Variants in CAMKK2 observed in about 807,000 individuals in gnomAD.
CAMKK2 encodes the protein calcium/calmodulin dependent protein kinase kinase 2, also known as calcium/calmodulin-dependent protein kinase kinase 2.
Under a neutral mutation model 67.2 loss-of-function variants are expected in CAMKK2, and 30 were observed. The observed-to-expected ratio is 0.45, with a 90% CI of 0.33 to 0.61. The LOEUF is 0.61. Ranked by LOEUF, CAMKK2 falls within the 20% of genes least tolerant of loss-of-function variation. The pLI is 0.02. For synonymous variants in CAMKK2, 322 were observed against 326.2 expected (o/e 0.99, Z 0.14); for missense variants, 643 against 802.0 (o/e 0.80, Z 2.39).
Position 121,253,545 on chromosome 12 carries a change from G to T in CAMKK2, c.908-73C>A. The T allele has an allele frequency of 3.1e-6, 4 of 1,285,014 alleles. No homozygotes were observed. The highest frequency in any genetic ancestry group is 4.5e-6 in the Non-Finnish European group (4 of 884,800). The allele number at this position is 1,285,014 out of a possible 1,614,324, so 79.6% of individuals were successfully genotyped here. On this transcript the variant is annotated intron_variant, in intron 9 of 16. Coordinates refer to ENST00000404169, the MANE Select transcript of CAMKK2 (RefSeq NM_001270485.2). This position sits in a 1 kb window ranked among gnomAD's most constrained non-coding sequence, Gnocchi z 5.0. The stretch of plus-strand genomic sequence containing the variant: ...GTGAGCACCTCTATGCGGCCACATG[G>T]CCTGGAGACACAGGCATGGCACCCC...
At chr12:121,264,016 C>A in intron 5 of CAMKK2, 77 bp from the exon 6 acceptor site, 9 of 1,373,080 alleles carry the variant, frequency 6.6e-6, no homozygotes, top group East Asian at 2.7e-5. Context: ...GGTGGGATGC[C>A]AAAAGGTGGG....
At chr12:121,287,987 T>C (rs538337336) in intron 1 of CAMKK2, among the ~76,000 whole-genome samples, 14 of 152,204 alleles carry the variant, frequency 9.2e-5, no homozygotes, top group African/African-American at 3.4e-4. Context: ...TTTTTAAATT[T>C]AAAAAATATA....
intron 6 of CAMKK2, among the ~76,000 whole-genome samples, chr12:121,262,372 C>G (rs1056982299): frequency 6.6e-6 from 1 of 151,888 alleles, no homozygotes; most frequent in Non-Finnish European, 1.5e-5. Flanking sequence ...ATTAGCCAGG[C>G]GTGGTAGCGG....
chr12:121,291,828 C>T (rs376839258), intron 1 of CAMKK2, among the ~76,000 whole-genome samples: 170 of 152,156 alleles, frequency 1.1e-3, no homozygotes, highest in South Asian at 8.5e-3. Context: ...GAGGCCGAGG[C>T]GGGCAGATCA....
intron 6 of CAMKK2, 157 bp from the exon 7 acceptor site, chr12:121,260,512 G>T: frequency 1.5e-6 from 1 of 678,518 alleles, no homozygotes. Context: ...GGAAGATAGG[G>T]AAAACCCCCA....
intron 1 of CAMKK2, among the ~76,000 whole-genome samples, chr12:121,284,061 C>T (rs1019007112): frequency 2.6e-5 from 4 of 152,224 alleles, no homozygotes; most frequent in Non-Finnish European, 5.9e-5. Flanking sequence ...CTGCCTGCCA[C>T]GGCCCACGCC....
At chr12:121,254,707 G>C (rs1418521879) in intron 9 of CAMKK2, among the ~76,000 whole-genome samples, 1 of 152,156 alleles carries the variant, frequency 6.6e-6, no homozygotes, top group Non-Finnish European at 1.5e-5. Flanking sequence ...AGTCACTATT[G>C]CTACTGCTCT....
chr12:121,288,545 A>G (rs1899259188), intron 1 of CAMKK2, among the ~76,000 whole-genome samples: 1 of 152,214 alleles, frequency 6.6e-6, no homozygotes, highest in South Asian at 2.1e-4. Context: ...TTCAAAAATG[A>G]AAAAGGGAGT....
At chr12:121,246,259 G>A (rs976306572) in intron 14 of CAMKK2, among the ~76,000 whole-genome samples, 5 of 150,434 alleles carry the variant, frequency 3.3e-5, no homozygotes, top group Admixed American at 6.6e-5. Flanking sequence ...GGAGCGGGGG[G>A]GGGGAGGCGG....
In CAMKK2 at chr12:121,263,390, C is replaced by T. The variant is rs1010582411; in HGVS notation, c.759+416G>A. 3.3e-5 allele frequency among the ~76,000 whole-genome samples: 5 copies of T among 152,098 alleles called. No homozygotes were observed. In the East Asian group the frequency reaches 5.8e-4, roughly 18 times the overall value. ...TCCCAGAGTGCTGTCATTATAAGCGCGAGCCAGTGCACCCGGACTTGTTTT... is the reference window on the plus strand; with the variant it reads ...TCCCAGAGTGCTGTCATTATAAGCGTGAGCCAGTGCACCCGGACTTGTTTT... On this transcript the variant is annotated intron_variant, in intron 6 of 16. Coordinates refer to ENST00000404169, the MANE Select transcript of CAMKK2 (RefSeq NM_001270485.2).
rs1889210132 is a variant in CAMKK2 at position 121,245,262 on chromosome 12, G to A, written c.1453-22C>T. On this transcript the variant is annotated intron_variant, in intron 14 of 16. Transcript: ENST00000404169. The surrounding 1 kb of genome is among the most constrained non-coding windows in gnomAD (Gnocchi z 5.8). Reference sequence around the variant, plus strand: ...GGATCTGAAGAGGGAGAAAAGAGGAGGTGGCAGGCAACTGCTTGGCCATGT... The same window carrying A: ...GGATCTGAAGAGGGAGAAAAGAGGAAGTGGCAGGCAACTGCTTGGCCATGT... The A allele has an allele frequency of 6.6e-7, 1 of 1,513,152 alleles. No individual in the cohort carries two copies. The highest frequency in any genetic ancestry group is 9.1e-7 in the Non-Finnish European group (1 of 1,100,326). 93.7% of individuals were successfully genotyped at this position (1,513,152 alleles called of 1,614,324 possible). A position where few individuals can be genotyped will look rare whatever the true frequency, so the allele number is the denominator to read the frequency against.
intron 1 of CAMKK2, among the ~76,000 whole-genome samples, chr12:121,277,924 G>A (rs1188896598): frequency 5.3e-5 from 8 of 152,078 alleles, no homozygotes; most frequent in Non-Finnish European, 8.8e-5. Context: ...GCGAGATTGC[G>A]CCACTGCACT....
intron 14 of CAMKK2, among the ~76,000 whole-genome samples, chr12:121,247,778 G>C (rs1566039719): frequency 6.6e-6 from 1 of 152,166 alleles, no homozygotes; most frequent in Non-Finnish European, 1.5e-5. Context: ...CTCCTACAGG[G>C]GCAATCCTTC....
rs190353397 is a variant in CAMKK2 at position 121,249,658 on chromosome 12, C to T, written c.1323+129G>A. The stretch of plus-strand genomic sequence containing the variant: ...TCAACAGCCCCCAGCAGCTCAGAGG[C>T]CCTGGGGCATAGGAGAACAGCGGTG... On this transcript the variant is annotated intron_variant, in intron 13 of 16. Coordinates refer to ENST00000404169, the MANE Select transcript of CAMKK2 (RefSeq NM_001270485.2). 572 of 804,034 alleles carry T rather than the reference C, an allele frequency of 7.1e-4. 1 individual carries two copies. The highest frequency in any genetic ancestry group is 2.1e-3 in the Admixed American group (118 of 56,732). The allele number at this position is 804,034 out of a possible 1,614,324, so 49.8% of individuals were successfully genotyped here.
At chr12:121,264,696 C>A (rs1894166531) in intron 5 of CAMKK2, among the ~76,000 whole-genome samples, 2 of 151,872 alleles carry the variant, frequency 1.3e-5, no homozygotes, top group Admixed American at 1.3e-4. Context: ...ATGGCGTGAA[C>A]CTGGGAGGCG....
chr12:121,276,192 C>T (rs1427201587), intron 1 of CAMKK2, among the ~76,000 whole-genome samples: 1 of 147,338 alleles, frequency 6.8e-6, no homozygotes, highest in Non-Finnish European at 1.5e-5. Context: ...AAGTCGGACA[C>T]AGTGGTTCAT....
At chr12:121,284,526 T>C (rs1016816856) in intron 1 of CAMKK2, among the ~76,000 whole-genome samples, 9 of 152,288 alleles carry the variant, frequency 5.9e-5, no homozygotes, top group African/African-American at 2.2e-4. Flanking sequence ...GGTTTCACCA[T>C]GTTGCCCAGG....
At chr12:121,271,786 C>A (rs1190849290) in intron 2 of CAMKK2, among the ~76,000 whole-genome samples, 1 of 152,202 alleles carries the variant, frequency 6.6e-6, no homozygotes, top group Non-Finnish European at 1.5e-5. Flanking sequence ...CAGCTCACCG[C>A]AACCTCCGCC....
At chr12:121,252,972 CA>C (rs1282067013) in intron 10 of CAMKK2, among the ~76,000 whole-genome samples, 3 of 152,196 alleles carry the variant, frequency 2.0e-5, no homozygotes, top group Non-Finnish European at 4.4e-5. Context: ...AGGGTTTTCA[CA>C]GGCACTATTC....
Sources: gnomAD v4.1 joint callset for allele counts (sites outside exome capture counted in the v4.1 genomes callset) on GRCh38, gnomAD v4.1.1 for gene constraint, Gnocchi (gnomAD v3.1) non-coding constraint, MANE v1.5 for transcripts, NCBI Gene and HGNC (gene_info 2026-07-23, HGNC 2026-07-21) for gene names.